Variants in FAT3 observed in about 807,000 individuals in gnomAD.
FAT3 encodes protocadherin Fat 3.
Under a neutral mutation model 310.2 loss-of-function variants are expected in FAT3, and 95 were observed. That is an observed-to-expected ratio of 0.31 (90% CI 0.26 to 0.36). FAT3 has a LOEUF of 0.36. Ranked by LOEUF, FAT3 falls within the 10% of genes least tolerant of loss-of-function variation. The pLI, the probability that FAT3 is intolerant of heterozygous loss-of-function variation, is 1.00. For missense variants in FAT3, 5,408 were observed against 5,715.6 expected (o/e 0.95, Z 1.74); for synonymous variants, 2,314 against 2,192.9 (o/e 1.06, Z -1.54).
At chr11:92,459,732 T>G (rs1056244680) in intron 2 of FAT3, among the ~76,000 whole-genome samples, 1 of 152,188 alleles carries the variant, frequency 6.6e-6, no homozygotes, top group South Asian at 2.1e-4. Flanking sequence ...AATTGCTTAA[T>G]TGAGGGAACA....
intron 2 of FAT3, among the ~76,000 whole-genome samples, chr11:92,402,289 A>G (rs1486752233): frequency 6.6e-6 from 1 of 152,214 alleles, no homozygotes; most frequent in East Asian, 1.9e-4. Context: ...ACCTTCCAAA[A>G]CTGAAATGTA....
At chr11:92,593,096 A>G (rs1465342995) in intron 3 of FAT3, among the ~76,000 whole-genome samples, 2 of 152,150 alleles carry the variant, frequency 1.3e-5, no homozygotes, top group Non-Finnish European at 2.9e-5. Context: ...CTGTTAGCAT[A>G]ATGTCCTCAA....
chr11:92,878,630 G>A (rs1224207347), intron 22 of FAT3, among the ~76,000 whole-genome samples: 1 of 65,316 alleles, frequency 1.5e-5, no homozygotes, highest in Non-Finnish European at 2.7e-5. Context: ...AGGATGTTAT[G>A]TGTTAAAAAA....
intron 1 of FAT3, among the ~76,000 whole-genome samples, chr11:92,232,027 G>C (rs1864204581): frequency 6.6e-6 from 1 of 152,174 alleles, no homozygotes; most frequent in South Asian, 2.1e-4. Flanking sequence ...TTGGTTCTAA[G>C]TGGTGGCTTA....
At chr11:92,548,893 G>A (rs185163780) in intron 3 of FAT3, among the ~76,000 whole-genome samples, 154 of 152,326 alleles carry the variant, frequency 1.0e-3, no homozygotes, top group African/African-American at 3.4e-3. Flanking sequence ...TAATAAAGAA[G>A]TGAGAGAAGT....
chr11:92,684,441 A>T (rs1269228665), intron 3 of FAT3, among the ~76,000 whole-genome samples: 2 of 152,078 alleles, frequency 1.3e-5, no homozygotes, highest in East Asian at 3.9e-4. Flanking sequence ...CTTAATTTTA[A>T]ATTTGCCATG....
Position 92,224,881 on chromosome 11 carries a change from G to T in FAT3, c.-311G>T, listed in dbSNP as rs1179615959. ...GCCGGCGCTCCTCCCCGCAGGCTGC[G>T]CTGTGAACTGGCCTGCGGATTGGGA... On this transcript the variant is annotated 5_prime_UTR_variant, in exon 1 of 28. Coordinates refer to ENST00000525166, the MANE Select transcript of FAT3 (RefSeq NM_001367949.2). 1.3e-5 allele frequency among the ~76,000 whole-genome samples: 2 copies of T among 152,054 alleles called. No homozygotes were observed. The highest frequency in any genetic ancestry group is 2.9e-5 in the Non-Finnish European group (2 of 68,002).
At chr11:92,750,206 G>A (rs1945791803) in intron 4 of FAT3, among the ~76,000 whole-genome samples, 1 of 152,134 alleles carries the variant, frequency 6.6e-6, no homozygotes, top group Non-Finnish European at 1.5e-5. Flanking sequence ...GATAATGAGA[G>A]GGGGAGGGAG....
chr11:92,255,793 T>C (rs78365559), intron 1 of FAT3, among the ~76,000 whole-genome samples: 4,607 of 152,260 alleles, frequency 0.03, 252 homozygotes, highest in African/African-American at 0.1. Context: ...AGGGTCTATA[T>C]GAATGAACCT....
chr11:92,421,220 G>A (rs907503971), intron 2 of FAT3, among the ~76,000 whole-genome samples: 3 of 152,166 alleles, frequency 2.0e-5, no homozygotes, highest in Admixed American at 6.5e-5. Flanking sequence ...ATGTCACTTC[G>A]AATTTAACTC....
At chr11:92,530,886 A>G (rs1954042602) in intron 3 of FAT3, among the ~76,000 whole-genome samples, 2 of 133,752 alleles carry the variant, frequency 1.5e-5, no homozygotes, top group African/African-American at 6.0e-5. Context: ...TTTATTTACA[A>G]ATATAGGGAT....
intron 2 of FAT3, among the ~76,000 whole-genome samples, chr11:92,435,511 C>CTTCCTTCG (rs1414778728): frequency 2.1e-5 from 3 of 139,930 alleles, no homozygotes; most frequent in African/African-American, 8.7e-5. Flanking sequence ...TCCTTCCTTC[C>CTTCCTTCG]TTCCTTCCTT....
chr11:92,857,487 T>A, intron 20 of FAT3, 139 bp downstream of exon 20: 1 of 1,136,272 alleles, frequency 8.8e-7, no homozygotes, highest in African/African-American at 1.6e-5. Context: ...GGACCACAGC[T>A]AACATCCACA....
intron 3 of FAT3, among the ~76,000 whole-genome samples, chr11:92,566,896 T>C (rs1955474445): frequency 6.6e-6 from 1 of 152,120 alleles, no homozygotes; most frequent in Admixed American, 6.6e-5. Flanking sequence ...TCAAGATGGA[T>C]TAAAGACTTA....
chr11:92,759,102 G>A (rs1001758195), intron 4 of FAT3, among the ~76,000 whole-genome samples: 11 of 152,174 alleles, frequency 7.2e-5, no homozygotes, highest in African/African-American at 2.4e-4. Context: ...GAAACCATGG[G>A]TAAGGAGATG....
intron 3 of FAT3, among the ~76,000 whole-genome samples, chr11:92,648,428 A>G (rs1374762297): frequency 6.6e-6 from 1 of 152,036 alleles, no homozygotes; most frequent in Non-Finnish European, 1.5e-5. Context: ...CTGCTTCTGG[A>G]AGTTTTGGCA....
intron 4 of FAT3, among the ~76,000 whole-genome samples, chr11:92,735,557 C>CATAG (rs35680919): frequency 0.042 from 6,180 of 148,824 alleles, 137 homozygotes; most frequent in South Asian, 0.055. Flanking sequence ...GATGGATGAG[C>CATAG]ATAGATAGAT....
At chr11:92,814,787 T>C (rs1440284732) in intron 13 of FAT3, among the ~76,000 whole-genome samples, 2 of 152,228 alleles carry the variant, frequency 1.3e-5, no homozygotes, top group African/African-American at 4.8e-5. Flanking sequence ...GATGATGGGT[T>C]GATAGGTGCA....
At chr11:92,551,414 T>TTGTTTTGTTTTGTGTGTGTG (rs35238743) in intron 3 of FAT3, among the ~76,000 whole-genome samples, 19 of 128,876 alleles carry the variant, frequency 1.5e-4, no homozygotes, top group Non-Finnish European at 2.4e-4. Flanking sequence ...TTTTTTTGTT[T>TTGTTTTGTTTTGTGTGTGTG]TGTGTGTGTG....
Sources: allele counts gnomAD v4.1 joint callset (sites outside exome capture counted in the v4.1 genomes callset), GRCh38; gene constraint gnomAD v4.1.1; transcripts MANE v1.5; gene names NCBI Gene and HGNC (gene_info 2026-07-23, HGNC 2026-07-21).